AP2B1: variants seen among roughly 807,000 people sequenced by gnomAD.
AP2B1 encodes adaptor related protein complex 2 subunit beta 1, also known as AP-2 complex subunit beta.
AP2B1 carries 23 observed loss-of-function variants against 102.0 expected under a neutral mutation model. The observed-to-expected ratio is 0.23, with a 90% CI of 0.16 to 0.32. The LOEUF (loss-of-function observed/expected upper bound fraction) is 0.32, where lower values mean the gene tolerates loss of function less well. Among genes scored for constraint, AP2B1 ranks in the 10% least tolerant of loss-of-function variants. AP2B1 has a pLI of 1.00. For synonymous variants in AP2B1, 381 were observed against 421.2 expected (o/e 0.90, Z 1.17); for missense variants, 541 against 1,157.4 (o/e 0.47, Z 7.73).
At chr17:35,706,533 ATAT>A (rs1425268683) in intron 18 of AP2B1, among the ~76,000 whole-genome samples, 1 of 152,154 alleles carries the variant, frequency 6.6e-6, no homozygotes, top group Non-Finnish European at 1.5e-5. Context: ...AGAACCACTA[ATAT>A]TATCCTCTAG....
intron 6 of AP2B1, among the ~76,000 whole-genome samples, chr17:35,625,437 T>C (rs1048836135): frequency 2.0e-5 from 3 of 152,152 alleles, no homozygotes; most frequent in African/African-American, 7.2e-5. Context: ...AGTACAAATA[T>C]AGTCTGGAAA....
intron 21 of AP2B1, among the ~76,000 whole-genome samples, chr17:35,721,288 G>A (rs1598375181): frequency 6.6e-6 from 1 of 152,166 alleles, no homozygotes; most frequent in East Asian, 1.9e-4. Flanking sequence ...AAAAGTGGAT[G>A]CATAGCCCCT....
chr17:35,597,063 G>A (rs1161108012), intron 2 of AP2B1: 4 of 569,282 alleles, frequency 7.0e-6, no homozygotes, highest in African/African-American at 3.8e-5. Context: ...GGCCGGGGGC[G>A]AAGGACCCCT....
intron 5 of AP2B1, among the ~76,000 whole-genome samples, chr17:35,617,271 G>T (rs2074050864): frequency 1.3e-5 from 2 of 152,088 alleles, no homozygotes; most frequent in African/African-American, 2.4e-5. Flanking sequence ...GGCCATGCTG[G>T]TCTTGAATTC....
At chr17:35,707,134 CTTGTTGTTG>C (rs71366478) in intron 18 of AP2B1, among the ~76,000 whole-genome samples, 9 of 150,980 alleles carry the variant, frequency 6.0e-5, no homozygotes, top group South Asian at 2.1e-4. Flanking sequence ...TGGTACATCC[CTTGTTGTTG>C]TTGTTGTTGT....
At chr17:35,717,418 A>G in intron 21 of AP2B1, 69 bp downstream of exon 21, 2 of 1,565,280 alleles carry the variant, frequency 1.3e-6, no homozygotes, top group South Asian at 2.3e-5. Flanking sequence ...ATGTTTACTT[A>G]GCACCCTAGA....
intron 1 of AP2B1, chr17:35,587,874 G>A (rs2072947765): frequency 6.6e-6 from 1 of 152,100 alleles, no homozygotes; most frequent in South Asian, 2.1e-4. Context: ...GGCGAACGTC[G>A]TCTCTCGGGT....
chr17:35,669,133 T>TG (rs1467022130), intron 14 of AP2B1, among the ~76,000 whole-genome samples: 1 of 129,822 alleles, frequency 7.7e-6, no homozygotes, highest in Non-Finnish European at 1.6e-5. Context: ...ATTCTTGGTT[T>TG]GGGGATGCCT....
At chr17:35,672,814 AAAT>A (rs973941249) in intron 16 of AP2B1, among the ~76,000 whole-genome samples, 179 of 152,356 alleles carry the variant, frequency 1.2e-3, no homozygotes, top group African/African-American at 4.2e-3. Flanking sequence ...TGACCAACGT[AAAT>A]AATGTAAAAA....
chr17:35,655,035 T>G (rs1181136804), intron 13 of AP2B1, among the ~76,000 whole-genome samples: 1 of 152,156 alleles, frequency 6.6e-6, no homozygotes, highest in East Asian at 1.9e-4. Flanking sequence ...ATACCTGTGT[T>G]GGATTAACAG....
intron 9 of AP2B1, among the ~76,000 whole-genome samples, chr17:35,634,313 TTAA>T (rs2074545252): frequency 6.6e-6 from 1 of 152,226 alleles, no homozygotes; most frequent in African/African-American, 2.4e-5. Context: ...TCCATCCTCT[TTAA>T]ATAATTAAAT....
Position 35,639,664 on chromosome 17 carries a change from T to A in AP2B1, c.1341T>A (p.Ala447=). 1 of 1,614,152 alleles carries A rather than the reference T, an allele frequency of 6.2e-7. No individual in the cohort carries two copies. ...TGGATGAGCCAGATGCTCGAGCAGCTATGATTTGGATTGTGGGAGAATATG... is the reference window on the plus strand; with the variant it reads ...TGGATGAGCCAGATGCTCGAGCAGCAATGATTTGGATTGTGGGAGAATATG... ...DSLDEPDARA[A]MIWIVGEYAE... is the part of the protein sequence containing the mutation. The change falls in exon 11 of 22, where the codon GCT becomes GCA. Residue 447 remains alanine (A), a synonymous_variant. Coordinates refer to ENST00000610402, the MANE Select transcript of AP2B1 (RefSeq NM_001030006.2).
intron 10 of AP2B1, among the ~76,000 whole-genome samples, 167 bp downstream of exon 10, chr17:35,636,623 G>C (rs1177819251): frequency 6.6e-6 from 1 of 152,180 alleles, no homozygotes; most frequent in African/African-American, 2.4e-5. Flanking sequence ...ATTAAAACCT[G>C]AGTTTTCACT....
Position 35,624,380 on chromosome 17 carries a change from A to AC in AP2B1, c.526-12dup, listed in dbSNP as rs766407729. On this transcript the variant is annotated splice_polypyrimidine_tract_variant and intron_variant, in intron 5 of 21. Coordinates refer to ENST00000610402, the MANE Select transcript of AP2B1 (RefSeq NM_001030006.2). ...GCTGTTCTTGGTGAATCAAGGTCAT[A>AC]CCCCCTTCTTTTCCAGGTGGTGGCT... 2.5e-6 allele frequency: 4 copies of AC among 1,613,342 alleles called. No homozygotes were observed. Among genetic ancestry groups the AC allele is most frequent in the South Asian group, 2.2e-5 (2 of 91,008 alleles).
Position 35,612,961 on chromosome 17 carries a change from T to C in AP2B1, c.525+4574T>C, listed in dbSNP as rs1046578120. ...ACGTTTGAATACATAAAGACTGAGT[T>C]ATCTGAACACTGCTTCATTATAGAA... On this transcript the variant is annotated intron_variant, in intron 5 of 21. Transcript: ENST00000610402. Among the ~76,000 whole-genome samples the C allele has an allele frequency of 3.3e-5, 5 of 150,746 alleles. No individual in the cohort carries two copies. The East Asian group carries it at 9.7e-4, about 29-fold the overall frequency.
At chr17:35,607,078 T>C (rs978967297) in intron 4 of AP2B1, among the ~76,000 whole-genome samples, 1 of 152,142 alleles carries the variant, frequency 6.6e-6, no homozygotes, top group African/African-American at 2.4e-5. Flanking sequence ...GCTAATTTTG[T>C]ATATTTAGTA....
At chr17:35,598,480 G>A in intron 3 of AP2B1, 145 bp downstream of exon 3, 1 of 510,036 alleles carries the variant, frequency 2.0e-6, no homozygotes, top group Non-Finnish European at 3.5e-6. Flanking sequence ...AGGAAGTGCA[G>A]TTGCCTTTGT....
intron 14 of AP2B1, among the ~76,000 whole-genome samples, chr17:35,660,988 T>C (rs1216948741): frequency 3.3e-5 from 5 of 152,154 alleles, no homozygotes; most frequent in Non-Finnish European, 7.3e-5. Context: ...AATTGTGTGG[T>C]GGTTTGGGAA....
intron 3 of AP2B1, 148 bp downstream of exon 3, chr17:35,598,483 G>C (rs1020224314): frequency 5.9e-6 from 3 of 506,462 alleles, no homozygotes; most frequent in African/African-American, 5.7e-5. Context: ...AAGTGCAGTT[G>C]CCTTTGTATT....
Sources: allele counts gnomAD v4.1 joint callset (sites outside exome capture counted in the v4.1 genomes callset), GRCh38; gene constraint gnomAD v4.1.1; transcripts MANE v1.5; gene names NCBI Gene and HGNC (gene_info 2026-07-23, HGNC 2026-07-21).